The following RBM18 variants were observed in gnomAD, a reference collection of about 807,000 sequenced individuals.
The protein encoded by RBM18 is RNA binding motif protein 18, also known as probable RNA-binding protein 18.
A neutral mutation model predicts 26.4 loss-of-function variants in RBM18; 18 were observed. The ratio of observed to expected loss-of-function variants is 0.68; its 90% CI spans 0.47 to 1.01. RBM18 has a LOEUF of 1.01. Ranked by LOEUF, RBM18 falls within the 50% of genes least tolerant of loss-of-function variation. The pLI is 0.00. For missense variants in RBM18, 180 were observed against 219.2 expected (o/e 0.82, Z 1.13); for synonymous variants, 74 against 81.1 (o/e 0.91, Z 0.47).
In RBM18 at chr9:122,260,078, G is replaced by A. The variant is rs112491308; in HGVS notation, c.113+1302C>T. On this transcript the variant is annotated intron_variant, in intron 2 of 5. Coordinates refer to ENST00000417201, the MANE Select transcript of RBM18 (RefSeq NM_033117.4). ...AAACTTGCTTTCTGCCTGGCATGGC[G>A]GCTTAAGTCTGTAATCCCAGCACTT... 9.4e-4 allele frequency among the ~76,000 whole-genome samples: 143 copies of A among 152,244 alleles called. 1 individual carries two copies. The highest frequency in any genetic ancestry group is 3.1e-3 in the African/African-American group (127 of 41,584).
rs137858128 is a variant in RBM18, at chr9:122,245,364, T to C, written c.328-23A>G. The C allele has an allele frequency of 1.6e-4, 235 of 1,475,848 alleles. No homozygotes were observed. The Middle Eastern group carries it at 2.8e-3, about 17-fold the overall frequency. The allele number at this position is 1,475,848 out of a possible 1,614,324, so 91.4% of individuals were successfully genotyped here. On this transcript the variant is annotated intron_variant, in intron 4 of 5. Transcript: ENST00000417201. ...TCTCTGAAAATGAGAAATAGAGAAA[T>C]TACTTCACATGGGCAGAAACCAGCC...
In RBM18 at chr9:122,239,636, A is replaced by G. The variant is rs1422809939; in HGVS notation, c.*2248T>C. The G allele has an allele frequency of 6.6e-6, 1 of 152,266 alleles. No homozygotes were observed. Among genetic ancestry groups the G allele is most frequent in the Non-Finnish European group, 1.5e-5 (1 of 68,046 alleles). The allele number at this position is 152,266 out of a possible 1,614,324, so 9.4% of individuals were successfully genotyped here. On this transcript the variant is annotated 3_prime_UTR_variant, in exon 6 of 6. Coordinates refer to ENST00000417201, the MANE Select transcript of RBM18 (RefSeq NM_033117.4). The stretch of plus-strand genomic sequence containing the variant: ...TTGACCAAGTTAACACCTGAAATTT[A>G]AAAACCTTTCATCAGACTGCTTTCA...
intron 1 of RBM18, among the ~76,000 whole-genome samples, chr9:122,264,030 C>T (rs1236289528): frequency 1.3e-5 from 2 of 152,160 alleles, no homozygotes; most frequent in Non-Finnish European, 2.9e-5. Flanking sequence ...CTTAATGTTT[C>T]CTCTTCTATT....
At chr9:122,242,912 C>T (rs1235547332) in intron 5 of RBM18, among the ~76,000 whole-genome samples, 4 of 152,104 alleles carry the variant, frequency 2.6e-5, no homozygotes, top group Non-Finnish European at 4.4e-5. Context: ...CTGCAACCTC[C>T]GCCTCCCAGG....
intron 3 of RBM18, among the ~76,000 whole-genome samples, chr9:122,247,871 G>A (rs1831531087): frequency 7.0e-6 from 1 of 142,570 alleles, no homozygotes; most frequent in Non-Finnish European, 1.5e-5. Context: ...TGCAATCTCC[G>A]CCTCCCAGGT....
Position 122,239,001 on chromosome 9 carries a change from G to A in RBM18, c.*2883C>T, listed in dbSNP as rs561551804. Reference sequence around the variant, plus strand: ...GAGAAAACAGGGATAAGCATGCTGGGACTAAATCATATTTTAGGAACAAAT... The same window carrying A: ...GAGAAAACAGGGATAAGCATGCTGGAACTAAATCATATTTTAGGAACAAAT... On this transcript the variant is annotated 3_prime_UTR_variant, in exon 6 of 6. Coordinates refer to ENST00000417201, the MANE Select transcript of RBM18 (RefSeq NM_033117.4). 39 of 152,222 alleles carry A rather than the reference G, an allele frequency of 2.6e-4. No individual in the cohort carries two copies. Among genetic ancestry groups the A allele is most frequent in the African/African-American group, 8.7e-4 (36 of 41,520 alleles). 9.4% of individuals were successfully genotyped at this position (152,222 alleles called of 1,614,324 possible).
At position 122,239,679 on chromosome 9, in the gene RBM18, A is replaced by T. The variant is rs1831379755; in HGVS notation, c.*2205T>A. On this transcript the variant is annotated 3_prime_UTR_variant, in exon 6 of 6. Transcript: ENST00000417201. ...TGCTTTCAGCATATTTAGGATACAT[A>T]CATTTCTTCTTTTGAAATCTCTACC... is the stretch of plus-strand genomic sequence containing the variant. 1 of 144,770 alleles carries T rather than the reference A, an allele frequency of 6.9e-6. No individual in the cohort carries two copies. Among genetic ancestry groups the T allele is most frequent in the South Asian group, 2.1e-4 (1 of 4,838 alleles). The allele number at this position is 144,770 out of a possible 1,614,324, so 9.0% of individuals were successfully genotyped here.
intron 3 of RBM18, among the ~76,000 whole-genome samples, chr9:122,247,941 C>A (rs766960062): frequency 6.6e-6 from 1 of 152,044 alleles, no homozygotes; most frequent in East Asian, 1.9e-4. Context: ...TGAACCACCA[C>A]GCCTGGCTAA....
At chr9:122,258,795 A>G in intron 2 of RBM18, among the ~76,000 whole-genome samples, 1 of 151,764 alleles carries the variant, frequency 6.6e-6, no homozygotes, top group East Asian at 1.9e-4. Flanking sequence ...AACAAAAAAC[A>G]ACAAACTAGC....
At chr9:122,242,318 T>C (rs968891359) in intron 5 of RBM18, among the ~76,000 whole-genome samples, 6 of 152,352 alleles carry the variant, frequency 3.9e-5, no homozygotes, top group Middle Eastern at 3.4e-3. Context: ...ACGCAGACAC[T>C]GTTAGCACCT....
Position 122,251,934 on chromosome 9 carries a change from T to C in RBM18, c.153A>G (p.Val51=), listed in dbSNP as rs1402983235. 4.3e-6 allele frequency: 7 copies of C among 1,614,166 alleles called. No individual in the cohort carries two copies. Among genetic ancestry groups the C allele is most frequent in the Non-Finnish European group, 5.1e-6 (6 of 1,179,990 alleles). Residue 51 remains valine (V), a synonymous_variant, in exon 3 of 6, where the codon GTA becomes GTG. Coordinates refer to ENST00000417201, the MANE Select transcript of RBM18 (RefSeq NM_033117.4). ...TGTGGAAGAGGAAGTCAAACTGCTT[T>C]ACCTTGCCAAACTTCTGGAGGAGCT... ...LLKLLQKFGK[V]KQFDFLFHKS... is the part of the protein sequence containing the mutation.
chr9:122,258,766 C>T (rs986171651), intron 2 of RBM18, among the ~76,000 whole-genome samples: 2 of 151,722 alleles, frequency 1.3e-5, no homozygotes, highest in Non-Finnish European at 2.9e-5. Context: ...TACTGAGACC[C>T]CTGTCTCTAC....
chr9:122,252,512 C>G (rs1831621192), intron 2 of RBM18, among the ~76,000 whole-genome samples: 1 of 152,236 alleles, frequency 6.6e-6, no homozygotes, highest in Non-Finnish European at 1.5e-5. Flanking sequence ...CCAAATTGCA[C>G]TTGTGAGAAA....
rs759635110 is a variant in RBM18 at position 122,247,601 on chromosome 9, C to T, written c.244G>A (p.Ala82Thr). 4 of 1,613,550 alleles carry T rather than the reference C, an allele frequency of 2.5e-6. No homozygotes were observed. Among genetic ancestry groups the T allele is most frequent in the Non-Finnish European group, 3.4e-6 (4 of 1,179,750 alleles). The change falls in exon 4 of 6, where the codon GCA (alanine) becomes ACA (threonine). Residue 82 changes from alanine to threonine, a missense_variant. Around this residue, in one of 3 missense-constraint regions of RBM18, gnomAD observed 28 missense variants for 59.9 expected, o/e 0.47. Coordinates refer to ENST00000417201, the MANE Select transcript of RBM18 (RefSeq NM_033117.4). Reference protein sequence around the residue: ...CFVNFETKQEAEQAIQCLNGK... With the variant: ...CFVNFETKQETEQAIQCLNGK... ...TTGAGACACTGGATGGCTTGCTCTG[C>T]TTCCTGTCCAGGAAAGGGACAAATG... is the stretch of plus-strand genomic sequence containing the variant.
intron 2 of RBM18, among the ~76,000 whole-genome samples, chr9:122,252,340 A>G (rs1310773637): frequency 1.3e-5 from 2 of 152,226 alleles, no homozygotes; most frequent in Admixed American, 6.5e-5. Flanking sequence ...GCATTTGTGA[A>G]TAACTATAAC....
chr9:122,258,279 T>C (rs914609273), intron 2 of RBM18, among the ~76,000 whole-genome samples: 3 of 152,164 alleles, frequency 2.0e-5, no homozygotes, highest in African/African-American at 7.2e-5. Context: ...CTTTCTTTCT[T>C]TCTTTTTGAG....
rs1564453940 is a variant in RBM18 at position 122,241,907 on chromosome 9, T to C, written c.550A>G (p.Thr184Ala). 1 of 1,613,990 alleles carries C rather than the reference T, an allele frequency of 6.2e-7. No individual in the cohort carries two copies. Among genetic ancestry groups the C allele is most frequent in the South Asian group, 1.1e-5 (1 of 91,026 alleles). ...DKKRTTPYSR[T>A]AWKSRR ...CATCATCTTCGAGATTTCCATGCTGTTCTAGAATATGGAGTAGTCCTTTTT... is the reference window on the plus strand; with the variant it reads ...CATCATCTTCGAGATTTCCATGCTGCTCTAGAATATGGAGTAGTCCTTTTT... Residue 184 changes from threonine (T) to alanine (A), a missense_variant, in exon 6 of 6, where the codon ACA becomes GCA. This residue lies in a region of RBM18 where 103 missense variants were observed against 102.8 expected (regional missense o/e 1.00). Coordinates refer to ENST00000417201, the MANE Select transcript of RBM18 (RefSeq NM_033117.4).
intron 2 of RBM18, among the ~76,000 whole-genome samples, chr9:122,257,213 C>G (rs1283740874): frequency 2.0e-5 from 3 of 152,164 alleles, no homozygotes; most frequent in African/African-American, 4.8e-5. Context: ...GTAGCTGGGA[C>G]TACAGGCACC....
intron 5 of RBM18, among the ~76,000 whole-genome samples, chr9:122,242,390 A>C (rs1306182805): frequency 3.9e-5 from 6 of 152,180 alleles, no homozygotes; most frequent in Non-Finnish European, 8.8e-5. Flanking sequence ...CAACATTATA[A>C]GATAGGTTAT....
Sources: allele counts gnomAD v4.1 joint callset (sites outside exome capture counted in the v4.1 genomes callset), GRCh38; gene constraint gnomAD v4.1.1; regional missense constraint gnomAD v4.1.1; transcripts MANE v1.5; gene names NCBI Gene and HGNC (gene_info 2026-07-23, HGNC 2026-07-21).